The following NXPH4 variants were observed in gnomAD, a reference collection of about 807,000 sequenced individuals.
NXPH4 encodes neurexophilin 4.
A neutral mutation model predicts 21.3 loss-of-function variants in NXPH4; 8 were observed. The ratio of observed to expected loss-of-function variants is 0.38; its 90% confidence interval spans 0.22 to 0.68. The LOEUF is 0.68. Ranked by LOEUF, NXPH4 falls within the 30% of genes least tolerant of loss-of-function variation. The probability of loss-of-function intolerance (pLI) is 0.53; values close to 1 mark genes in which losing one functional copy is unlikely to be tolerated. For missense variants in NXPH4, 418 were observed against 416.8 expected, an observed-to-expected ratio of 1.00 and a Z score of -0.03; for synonymous variants, 219 against 192.6, an observed-to-expected ratio of 1.14 and a Z score of -1.13.
Position 57,226,018 on chromosome 12 carries a change from C to A in NXPH4, c.*271C>A. The A allele has an allele frequency of 8.9e-7, 1 of 1,124,680 alleles. No homozygotes were observed. Among genetic ancestry groups the A allele is most frequent in the Non-Finnish European group, 1.2e-6 (1 of 830,110 alleles). The allele number at this position is 1,124,680 out of a possible 1,614,324, so 69.7% of individuals were successfully genotyped here. ...AGAATAGGCGGGGCTTGGAGGCGGT[C>A]CCAATGTCCCCTGGGTCCACAGTGG... On this transcript the variant is annotated 3_prime_UTR_variant, in exon 2 of 2. Transcript: ENST00000349394.
Position 57,226,263 on chromosome 12 carries a change from T to G in NXPH4, c.*516T>G, listed in dbSNP as rs2136774699. Reference sequence around the variant, plus strand: ...TGTCCCCTTTTCCTCCAAACCCTATTAGGGTACCGGAAGCAGAACCCCTGG... The same window carrying G: ...TGTCCCCTTTTCCTCCAAACCCTATGAGGGTACCGGAAGCAGAACCCCTGG... On this transcript the variant is annotated 3_prime_UTR_variant, in exon 2 of 2. Transcript: ENST00000349394. The G allele has an allele frequency of 1.8e-5, 5 of 285,366 alleles. No individual in the cohort carries two copies. The highest frequency in any genetic ancestry group is 5.7e-5 in the East Asian group (1 of 17,462). The allele number at this position is 285,366 out of a possible 1,614,324, so 17.7% of individuals were successfully genotyped here.
At chr12:57,221,429 T>G in intron 1 of NXPH4, 1 of 444,820 alleles carries the variant, frequency 2.2e-6, no homozygotes, top group Non-Finnish European at 4.5e-6. Context: ...GCAATGCGGC[T>G]GGGGGGCTGA....
intron 1 of NXPH4, among the ~76,000 whole-genome samples, chr12:57,222,828 G>A (rs1353344848): frequency 2.6e-5 from 4 of 152,192 alleles, no homozygotes; most frequent in Non-Finnish European, 5.9e-5. Flanking sequence ...TGAGAGGAGG[G>A]ATGGATGGGA....
At chr12:57,220,778 T>C (rs1178697615) in intron 1 of NXPH4, among the ~76,000 whole-genome samples, 1 of 152,118 alleles carries the variant, frequency 6.6e-6, no homozygotes, top group Non-Finnish European at 1.5e-5. Context: ...GTCCCCCATT[T>C]CCCATTCCAG....
intron 1 of NXPH4, among the ~76,000 whole-genome samples, chr12:57,223,220 CAG>C (rs1312621007): frequency 6.6e-6 from 1 of 152,130 alleles, no homozygotes; most frequent in Non-Finnish European, 1.5e-5. Flanking sequence ...CAGAGGATGA[CAG>C]GGGCTCACAC....
At chr12:57,223,968 C>T (rs991703240) in intron 1 of NXPH4, among the ~76,000 whole-genome samples, 13 of 152,212 alleles carry the variant, frequency 8.5e-5, no homozygotes, top group Non-Finnish European at 1.5e-4. Context: ...GGAGCACTGG[C>T]GACTGGGAGG....
chr12:57,222,123 C>G (rs1384991656), intron 1 of NXPH4, among the ~76,000 whole-genome samples: 1 of 152,122 alleles, frequency 6.6e-6, no homozygotes, highest in Non-Finnish European at 1.5e-5. Context: ...CTCGTTTCCT[C>G]ACAGACTCTC....
chr12:57,221,222 G>T (rs535134193), intron 1 of NXPH4: 3 of 412,814 alleles, frequency 7.3e-6, no homozygotes, highest in Non-Finnish European at 1.5e-5. Context: ...CTCGTTCCCA[G>T]CCAGACTCCA....
At chr12:57,223,989 C>T (rs1376850888) in intron 1 of NXPH4, among the ~76,000 whole-genome samples, 5 of 152,262 alleles carry the variant, frequency 3.3e-5, no homozygotes, top group African/African-American at 1.2e-4. Flanking sequence ...GATACCCAGG[C>T]TTTCCTCCTC....
Position 57,217,081 on chromosome 12 carries a change from G to A in NXPH4, c.57+55G>A, listed in dbSNP as rs1009869146. ...CGGGCGCGGGGTTCCGGGACGCGAA[G>A]GTCCCAGTGTGCGAGGGGCTCCGTG... is the stretch of plus-strand genomic sequence containing the variant. On this transcript the variant is annotated intron_variant, in intron 1 of 1. Coordinates refer to ENST00000349394, the MANE Select transcript of NXPH4 (RefSeq NM_007224.4). 8 of 1,494,184 alleles carry A rather than the reference G, an allele frequency of 5.4e-6. No homozygotes were observed. In the Admixed American group the frequency reaches 1.3e-4, roughly 25 times the overall value. 92.6% of individuals were successfully genotyped at this position (1,494,184 alleles called of 1,614,324 possible). A position where few individuals can be genotyped will look rare whatever the true frequency, so the allele number is the denominator to read the frequency against.
chr12:57,221,650 T>TCCGCC, intron 1 of NXPH4: 1 of 276,860 alleles, frequency 3.6e-6, no homozygotes, highest in Non-Finnish European at 7.4e-6. Context: ...GCCGCGCACC[T>TCCGCC]CCGCCCCGCC....
chr12:57,222,259 G>T (rs2037099125), intron 1 of NXPH4, among the ~76,000 whole-genome samples: 1 of 152,140 alleles, frequency 6.6e-6, no homozygotes, highest in Admixed American at 6.5e-5. Flanking sequence ...GGATTCGCCA[G>T]GATCAGAGAA....
At chr12:57,218,558 G>A (rs1592672759) in intron 1 of NXPH4, among the ~76,000 whole-genome samples, 1 of 152,218 alleles carries the variant, frequency 6.6e-6, no homozygotes, top group East Asian at 1.9e-4. Context: ...ACTCCCCTGT[G>A]GACAGATCTG....
In NXPH4 at chr12:57,224,936, C is replaced by A. The variant is rs1258932543; in HGVS notation, c.116C>A (p.Ala39Asp). Residue 39 changes from alanine to aspartate, a missense_variant, in exon 2 of 2, where the codon GCC (alanine) becomes GAC (aspartate). Ala to Asp is a moderately radical substitution (Grantham distance 126). Coordinates refer to ENST00000349394, the MANE Select transcript of NXPH4 (RefSeq NM_007224.4). ...CCGCAGTACCTGGGGCTGCGCCCCG[C>A]CGCGGCCGGAGCGGGTGCCCCCGGC... The part of the protein sequence containing the change: ...GRPQYLGLRP[A>D]AAGAGAPGQQ... 1.4e-6 allele frequency: 2 copies of A among 1,382,252 alleles called. No individual in the cohort carries two copies. Among genetic ancestry groups the A allele is most frequent in the Non-Finnish European group, 1.9e-6 (2 of 1,060,752 alleles). The allele number at this position is 1,382,252 out of a possible 1,614,324, so 85.6% of individuals were successfully genotyped here.
chr12:57,219,734 G>C (rs1048516827), intron 1 of NXPH4: 2 of 152,468 alleles, frequency 1.3e-5, no homozygotes, highest in African/African-American at 4.8e-5. Context: ...GGGGACAGGG[G>C]AGGGCCTGCT....
rs1038687232 is a variant in NXPH4 at position 57,221,493 on chromosome 12, G to A, written c.58-3385G>A. ...TGTCATCCCCAAAGAGCCACTCCCCGAAGTGGAGTTTGTTGCCCCCAGCAG... is the reference window on the plus strand; with the variant it reads ...TGTCATCCCCAAAGAGCCACTCCCCAAAGTGGAGTTTGTTGCCCCCAGCAG... On this transcript the variant is annotated intron_variant, in intron 1 of 1. Coordinates refer to ENST00000349394, the MANE Select transcript of NXPH4 (RefSeq NM_007224.4). The A allele has an allele frequency of 1.9e-5, 7 of 378,062 alleles. 1 individual carries two copies. Among genetic ancestry groups the A allele is most frequent in the South Asian group, 5.6e-5 (3 of 53,634 alleles). 23.4% of individuals were successfully genotyped at this position (378,062 alleles called of 1,614,324 possible).
intron 1 of NXPH4, among the ~76,000 whole-genome samples, chr12:57,221,982 C>G (rs1053743382): frequency 4.6e-5 from 7 of 151,994 alleles, no homozygotes; most frequent in Non-Finnish European, 1.0e-4. Context: ...GACTGAGAGA[C>G]AAAAGAGACT....
At chr12:57,219,372 C>T (rs2037068264) in intron 1 of NXPH4, among the ~76,000 whole-genome samples, 1 of 152,150 alleles carries the variant, frequency 6.6e-6, no homozygotes, top group African/African-American at 2.4e-5. Flanking sequence ...GACTCCTTTC[C>T]CTCTCTCTCT....
In NXPH4 at chr12:57,225,049, C is replaced by T; in HGVS notation, c.229C>T (p.Leu77=). ...WAWPTNHTGA[L]ARAGAAGALP... ...CTGGCCGACCAACCACACGGGGGCG[C>T]TGGCCCGGGCAGGGGCAGCCGGGGC... The change falls in exon 2 of 2, where the codon CTG becomes TTG. Residue 77 remains leucine, a synonymous_variant. Transcript: ENST00000349394. The T allele has an allele frequency of 6.8e-7, 1 of 1,476,930 alleles. No homozygotes were observed. Among genetic ancestry groups the T allele is most frequent in the Non-Finnish European group, 9.0e-7 (1 of 1,111,960 alleles). The allele number at this position is 1,476,930 out of a possible 1,614,324, so 91.5% of individuals were successfully genotyped here.
Sources: gnomAD v4.1 joint callset for allele counts (sites outside exome capture counted in the v4.1 genomes callset) on GRCh38, gnomAD v4.1.1 for gene constraint, MANE v1.5 for transcripts, NCBI Gene and HGNC (gene_info 2026-07-23, HGNC 2026-07-21) for gene names.